Variants in HCK observed in about 807,000 individuals in gnomAD.
The protein encoded by HCK is tyrosine-protein kinase HCK.
A neutral mutation model predicts 70.4 loss-of-function variants in HCK; 40 were observed. The ratio of observed to expected loss-of-function variants is 0.57; its 90% CI spans 0.44 to 0.74. The LOEUF (loss-of-function observed/expected upper bound fraction) is 0.74. Among genes scored for constraint, HCK ranks in the 30% least tolerant of loss-of-function variants. HCK has a pLI of 0.00. For synonymous variants in HCK, 245 were observed against 263.2 expected, an observed-to-expected ratio of 0.93 and a Z score of 0.67; for missense variants, 568 against 697.2, an observed-to-expected ratio of 0.81 and a Z score of 2.09.
chr20:32,094,700 AAAAGAAAAGAAAG>A (rs1188231490), intron 11 of HCK, among the ~76,000 whole-genome samples: 11 of 90,716 alleles, frequency 1.2e-4, no homozygotes, highest in South Asian at 3.8e-4. Context: ...AAAAGAAAAG[AAAAGAAAAGAAAG>A]AAAGAAAGAA....
chr20:32,098,490 GA>G lies in HCK; in HGVS notation c.1247-504del, dbSNP rs967988148. ...CAGCCTGGGCACTCTGTCTCTAAAA[GA>G]AAAAAAAAATGAAAAGGCTAACTAA... On this transcript the variant is annotated intron_variant, in intron 11 of 12. Coordinates refer to ENST00000375852, the MANE Select transcript of HCK (RefSeq NM_002110.5). Among the ~76,000 whole-genome samples the G allele has an allele frequency of 2.0e-3, 290 of 148,034 alleles. 1 individual carries two copies. Among genetic ancestry groups the G allele is most frequent in the African/African-American group, 6.7e-3 (270 of 40,460 alleles).
Position 32,101,401 on chromosome 20 carries a change from A to G in HCK, c.1463A>G (p.Asn488Ser), listed in dbSNP as rs1468091314. 1 of 1,614,184 alleles carries G rather than the reference A, an allele frequency of 6.2e-7. No homozygotes were observed. Among genetic ancestry groups the G allele is most frequent in the Non-Finnish European group, 8.5e-7 (1 of 1,180,016 alleles). Reference sequence around the variant, plus strand: ...GAGAACTGCCCAGAGGAGCTCTACAACATCATGATGCGCTGCTGGAAAAAC... The same window carrying G: ...GAGAACTGCCCAGAGGAGCTCTACAGCATCATGATGCGCTGCTGGAAAAAC... Residue 488 changes from asparagine to serine, a missense_variant, in exon 13 of 13, where the codon AAC becomes AGC. Transcript: ENST00000375852.
At chr20:32,073,201 C>T (rs2045568931) in intron 2 of HCK, 118 bp from the exon 3 acceptor site, 5 of 816,698 alleles carry the variant, frequency 6.1e-6, no homozygotes, top group Non-Finnish European at 1.0e-5. Context: ...TGTGGGCCTC[C>T]TCCCACGACA....
intron 1 of HCK, among the ~76,000 whole-genome samples, chr20:32,057,042 G>A (rs1229415273): frequency 6.6e-6 from 1 of 152,174 alleles, no homozygotes; most frequent in Non-Finnish European, 1.5e-5. Context: ...TTTAAACTCA[G>A]GAGAGCTCAC....
chr20:32,084,080 T>C (rs778946589), intron 7 of HCK, 37 bp downstream of exon 7: 6 of 1,603,870 alleles, frequency 3.7e-6, no homozygotes, highest in Non-Finnish European at 5.1e-6. Flanking sequence ...CCCACCACGA[T>C]GGGCCCACAG....
intron 11 of HCK, among the ~76,000 whole-genome samples, chr20:32,094,357 C>T (rs2045904819): frequency 6.6e-6 from 1 of 152,044 alleles, no homozygotes; most frequent in Admixed American, 6.6e-5. Flanking sequence ...GTGGTATATT[C>T]ACACAATATA....
Position 32,084,013 on chromosome 20 carries a change from A to G in HCK, c.652A>G (p.Thr218Ala). The G allele has an allele frequency of 1.2e-6, 2 of 1,613,902 alleles. No homozygotes were observed. Among genetic ancestry groups the G allele is most frequent in the Non-Finnish European group, 1.7e-6 (2 of 1,180,000 alleles). ...CATATCCCCCCGAAGCACCTTCAGC[A>G]CTCTGCAGGAGCTGGTGGACCACTA... The change falls in exon 7 of 13, where the codon ACT (threonine) becomes GCT (alanine). Residue 218 changes from threonine to alanine, a missense_variant. By Grantham distance (58) the Thr-to-Ala change is moderately conservative. Coordinates refer to ENST00000375852, the MANE Select transcript of HCK (RefSeq NM_002110.5).
chr20:32,078,361 A>G (rs911821756), intron 5 of HCK, among the ~76,000 whole-genome samples: 1 of 151,894 alleles, frequency 6.6e-6, no homozygotes, highest in African/African-American at 2.4e-5. Context: ...GACAGTTCTT[A>G]GTCTTACATA....
chr20:32,071,882 T>A (rs2045545652), intron 2 of HCK, 100 bp downstream of exon 2: 1 of 1,462,292 alleles, frequency 6.8e-7, no homozygotes, highest in Non-Finnish European at 9.2e-7. Flanking sequence ...AGGGTGAGCT[T>A]GGGGTGAAAG....
At chr20:32,088,870 G>T (rs929270074) in intron 10 of HCK, among the ~76,000 whole-genome samples, 13 of 151,818 alleles carry the variant, frequency 8.6e-5, no homozygotes, top group African/African-American at 2.4e-5. Flanking sequence ...TATCTATTTT[G>T]GTATAACAAA....
intron 1 of HCK, among the ~76,000 whole-genome samples, chr20:32,057,216 C>G (rs1156902015): frequency 6.6e-6 from 1 of 152,248 alleles, no homozygotes; most frequent in East Asian, 1.9e-4. Context: ...GCCCACTTTC[C>G]TCATCCGCAG....
intron 11 of HCK, among the ~76,000 whole-genome samples, chr20:32,096,877 A>G (rs907799607): frequency 6.6e-5 from 10 of 152,044 alleles, no homozygotes; most frequent in Non-Finnish European, 1.0e-4. Context: ...AAAATGTTCT[A>G]CAGCCCAATC....
At chr20:32,070,384 C>A (rs1358629545) in intron 1 of HCK, among the ~76,000 whole-genome samples, 1 of 152,204 alleles carries the variant, frequency 6.6e-6, no homozygotes, top group African/African-American at 2.4e-5. Flanking sequence ...GGCCTTGTCA[C>A]AACCACCCTC....
At chr20:32,065,574 C>T (rs1045260692) in intron 1 of HCK, among the ~76,000 whole-genome samples, 2 of 152,154 alleles carry the variant, frequency 1.3e-5, no homozygotes, top group African/African-American at 4.8e-5. Context: ...TTGAGGTGGC[C>T]TCCAAGAACT....
chr20:32,094,083 C>A, intron 11 of HCK, 67 bp downstream of exon 11: 2 of 1,459,306 alleles, frequency 1.4e-6, no homozygotes, highest in Non-Finnish European at 1.9e-6. Flanking sequence ...AGAGTTGATA[C>A]TTGTGAGAGC....
intron 1 of HCK, among the ~76,000 whole-genome samples, chr20:32,053,382 A>G (rs550984858): frequency 1.3e-5 from 2 of 152,148 alleles, no homozygotes; most frequent in South Asian, 4.2e-4. Flanking sequence ...ACACGCCTGT[A>G]ATCTCAGCTT....
intron 10 of HCK, 35 bp from the exon 11 acceptor site, chr20:32,093,828 G>C: frequency 5.0e-6 from 8 of 1,592,668 alleles, no homozygotes; most frequent in Non-Finnish European, 6.8e-6. Context: ...CGTAGGCCAG[G>C]TCTGAGGACA....
At chr20:32,070,053 G>A (rs1355734839) in intron 1 of HCK, among the ~76,000 whole-genome samples, 1 of 152,164 alleles carries the variant, frequency 6.6e-6, no homozygotes, top group African/African-American at 2.4e-5. Context: ...TGGAGTAAAT[G>A]TGTTTTGTTT....
At chr20:32,059,968 G>C (rs75337347) in intron 1 of HCK, among the ~76,000 whole-genome samples, 1 of 152,108 alleles carries the variant, frequency 6.6e-6, no homozygotes, top group Non-Finnish European at 1.5e-5. Context: ...AAGGATCAGC[G>C]CCTGTGTTAC....
Sources: allele counts gnomAD v4.1 joint callset (sites outside exome capture counted in the v4.1 genomes callset), GRCh38; gene constraint gnomAD v4.1.1; transcripts MANE v1.5; gene names NCBI Gene and HGNC (gene_info 2026-07-23, HGNC 2026-07-21).